Variants in MYO19 observed in about 807,000 individuals in gnomAD.
The protein encoded by MYO19 is unconventional myosin-XIX.
MYO19 carries 132 observed loss-of-function variants against 129.2 expected under a neutral mutation model. That is an observed-to-expected ratio of 1.02 (90% CI 0.89 to 1.18). The LOEUF (loss-of-function observed/expected upper bound fraction) is 1.18. Among genes scored for constraint, MYO19 ranks in the 50% most tolerant of loss-of-function variants. The pLI is 0.00. For missense variants in MYO19, 1,210 were observed against 1,216.7 expected, an observed-to-expected ratio of 0.99 and a Z score of 0.08; for synonymous variants, 531 against 477.2, an observed-to-expected ratio of 1.11 and a Z score of -1.47.
intron 11 of MYO19, among the ~76,000 whole-genome samples, 172 bp from the exon 12 acceptor site, chr17:36,511,627 A>G (rs1233623031): frequency 6.6e-6 from 1 of 152,176 alleles, no homozygotes; most frequent in East Asian, 1.9e-4. Context: ...GCATCGCCTC[A>G]TTGCAACTTT....
chr17:36,522,953 C>T (rs1461717983), intron 6 of MYO19, among the ~76,000 whole-genome samples: 1 of 151,338 alleles, frequency 6.6e-6, no homozygotes, highest in African/African-American at 2.4e-5. Context: ...TTGCAGTGAG[C>T]CAAGATTGTG....
chr17:36,520,947 TTTTC>T (rs1307320894), intron 6 of MYO19, among the ~76,000 whole-genome samples: 3 of 152,236 alleles, frequency 2.0e-5, no homozygotes, highest in African/African-American at 4.8e-5. Flanking sequence ...TTGGATGCAA[TTTTC>T]TTTGTTTTTC....
rs2071813366 is a variant in MYO19, at chr17:36,505,389, G to C, written c.1813C>G (p.Leu605Val). The C allele has an allele frequency of 6.2e-7, 1 of 1,614,186 alleles. No homozygotes were observed. Among genetic ancestry groups the C allele is most frequent in the Non-Finnish European group, 8.5e-7 (1 of 1,180,004 alleles). The change falls in exon 19 of 26, where the codon CTT becomes GTT. Residue 605 changes from leucine to valine, a missense_variant. By Grantham distance (32) the Leu-to-Val change is conservative. Transcript: ENST00000614623. ...VSKFKASLEQ[L>V]LQVLHSTTPH... ...GTGGTGCTGTGTAGGACCTGCAGAAGCTGCTCCAGTGAGGCCTGCAGATGA... is the reference window on the plus strand; with the variant it reads ...GTGGTGCTGTGTAGGACCTGCAGAACCTGCTCCAGTGAGGCCTGCAGATGA...
At chr17:36,505,489 T>C in intron 18 of MYO19, 85 bp from the exon 19 acceptor site, 1 of 941,570 alleles carries the variant, frequency 1.1e-6, no homozygotes, top group Non-Finnish European at 1.7e-6. Flanking sequence ...CTACATCAAA[T>C]GCCTCCAGCG....
In MYO19 at chr17:36,496,273, G is replaced by C. The variant is rs775870326; in HGVS notation, c.2891C>G (p.Ser964Cys). 2 of 1,613,960 alleles carry C rather than the reference G, an allele frequency of 1.2e-6. No homozygotes were observed. Among genetic ancestry groups the C allele is most frequent in the African/African-American group, 1.3e-5 (1 of 74,948 alleles). ...GGATCACCCCAGCCCAGTGAAGGCA[G>C]AAGAGGTCACGTGGATCAGCCTGTG... Reference protein sequence around the residue: ...ERHRLIHVTSSAFTGLG With the variant: ...ERHRLIHVTSCAFTGLG Residue 964 changes from serine (S) to cysteine (C), a missense_variant, in exon 26 of 26, where the codon TCT (serine) becomes TGT (cysteine). Ser to Cys is a moderately radical substitution (Grantham distance 112). Coordinates refer to ENST00000614623, the MANE Select transcript of MYO19 (RefSeq NM_001163735.2).
In MYO19 at chr17:36,532,525, AC is replaced by A. The variant is rs1432085378; in HGVS notation, c.12+1del. On this transcript the variant is annotated splice_donor_variant, in intron 3 of 25. Coordinates refer to ENST00000614623, the MANE Select transcript of MYO19 (RefSeq NM_001163735.2). LOFTEE classifies it high-confidence loss of function. Reference sequence around the variant, plus strand: ...CTGGGTTATCTAAGGTTGAGGTTTTACCTGCTGGAGCATCCTCCTTCAAAGT... The same window carrying A: ...CTGGGTTATCTAAGGTTGAGGTTTTACTGCTGGAGCATCCTCCTTCAAAGT... 6.4e-7 allele frequency: 1 copy of A among 1,554,788 alleles called. No homozygotes were observed. The highest frequency in any genetic ancestry group is 1.4e-5 in the African/African-American group (1 of 73,308).
At chr17:36,544,476 C>T (rs2074225109), upstream of MYO19, among the ~76,000 whole-genome samples, 1 of 152,214 alleles carries the variant, frequency 6.6e-6, no homozygotes. Flanking sequence ...CTTCCGCCCC[C>T]TCTGATCTCG....
chr17:36,509,023 T>G (rs752275952), intron 14 of MYO19, 39 bp downstream of exon 14: 102 of 1,591,020 alleles, frequency 6.4e-5, no homozygotes, highest in Non-Finnish European at 8.2e-5. Flanking sequence ...TTTATTGCTC[T>G]TTTTCTGGAG....
Position 36,515,895 on chromosome 17 carries a change from C to T in MYO19, c.510G>A (p.Gln170=), listed in dbSNP as rs776915936. 1.2e-5 allele frequency: 20 copies of T among 1,613,592 alleles called. No individual in the cohort carries two copies. The highest frequency in any genetic ancestry group is 1.7e-5 in the Non-Finnish European group (20 of 1,179,656). The change falls in exon 7 of 26, where the codon CAG becomes CAA. Residue 170 remains glutamine, a synonymous_variant. Transcript: ENST00000614623. The part of the protein sequence containing the change: ...ESHKIAERIE[Q]RILNSNPVME... Reference sequence around the variant, plus strand: ...TGACAGGGTTGGAGTTCAGGATCCTCTGTTCTATCCTCTCTGCAATCTTGT... The same window carrying T: ...TGACAGGGTTGGAGTTCAGGATCCTTTGTTCTATCCTCTCTGCAATCTTGT...
At chr17:36,515,779 G>A in intron 7 of MYO19, 79 bp downstream of exon 7, 1 of 1,501,252 alleles carries the variant, frequency 6.7e-7, no homozygotes, top group Non-Finnish European at 9.1e-7. Context: ...GGGTCTCAAA[G>A]CACTGTCCCT....
rs115877274 is a variant in MYO19, at chr17:36,506,243, C to T, written c.1797+213G>A. 1.8e-3 allele frequency among the ~76,000 whole-genome samples: 273 copies of T among 152,216 alleles called. 1 individual carries two copies. Among genetic ancestry groups the T allele is most frequent in the African/African-American group, 6.4e-3 (264 of 41,512 alleles). On this transcript the variant is annotated intron_variant, in intron 18 of 25. Coordinates refer to ENST00000614623, the MANE Select transcript of MYO19 (RefSeq NM_001163735.2). The stretch of plus-strand genomic sequence containing the variant: ...GAGGCTGCATAGTGCCCCCATAGGC[C>T]CCTAGACTTCCCATCATATTATACC...
chr17:36,503,334 C>T, intron 20 of MYO19, 134 bp from the exon 21 acceptor site: 1 of 730,336 alleles, frequency 1.4e-6, no homozygotes, highest in South Asian at 1.7e-5. Flanking sequence ...CGAGTATCCC[C>T]ACTGAATGTG....
chr17:36,542,766 C>T (rs182014768), intron 1 of MYO19, among the ~76,000 whole-genome samples: 2 of 151,842 alleles, frequency 1.3e-5, no homozygotes, highest in East Asian at 2.0e-4. Flanking sequence ...CCTCTAGATA[C>T]TGAAGGCCAC....
intron 6 of MYO19, among the ~76,000 whole-genome samples, chr17:36,522,611 T>G (rs1342199143): frequency 2.0e-5 from 3 of 152,020 alleles, no homozygotes; most frequent in Non-Finnish European, 4.4e-5. Context: ...GGCTCATGCC[T>G]GTAAACCCAG....
intron 6 of MYO19, among the ~76,000 whole-genome samples, chr17:36,519,573 T>TGA (rs1407356800): frequency 6.6e-6 from 1 of 152,012 alleles, no homozygotes; most frequent in Non-Finnish European, 1.5e-5. Flanking sequence ...GGCATTTTAA[T>TGA]GATTCCATTC....
intron 2 of MYO19, among the ~76,000 whole-genome samples, chr17:36,539,959 C>T (rs1473155452): frequency 6.7e-6 from 1 of 149,568 alleles, no homozygotes; most frequent in African/African-American, 2.5e-5. Flanking sequence ...TGTCTGGGGG[C>T]TGGGGGGCAA....
At chr17:36,527,839 A>G in intron 4 of MYO19, 140 bp from the exon 5 acceptor site, 2 of 1,141,584 alleles carry the variant, frequency 1.8e-6, no homozygotes. Context: ...TGAAGAAAAG[A>G]TACAAGATCT....
chr17:36,524,249 T>C (rs1051276487), intron 6 of MYO19, among the ~76,000 whole-genome samples: 1 of 152,218 alleles, frequency 6.6e-6, no homozygotes, highest in African/African-American at 2.4e-5. Context: ...TTTGTTTTCT[T>C]ATCTGTCTCT....
At chr17:36,539,106 C>G (rs1390189310), upstream of MYO19, 1 of 167,098 alleles carries the variant, frequency 6.0e-6, no homozygotes, top group Non-Finnish European at 1.5e-5. Context: ...AGAAACAAAG[C>G]CTTTTGACTT....
Sources: gnomAD v4.1 joint callset for allele counts (sites outside exome capture counted in the v4.1 genomes callset) on GRCh38, gnomAD v4.1.1 for gene constraint, MANE v1.5 for transcripts, NCBI Gene and HGNC (gene_info 2026-07-23, HGNC 2026-07-21) for gene names.